GRB10: variants seen among roughly 807,000 people sequenced by gnomAD.
GRB10 encodes the protein growth factor receptor bound protein 10.
GRB10 carries 20 observed loss-of-function variants against 80.9 expected under a neutral mutation model. The ratio of observed to expected loss-of-function variants is 0.25; its 90% CI spans 0.17 to 0.36. GRB10 has a LOEUF of 0.36. GRB10 is among the 10% of genes least tolerant of loss of function. The pLI is 1.00. For synonymous variants in GRB10, 291 were observed against 291.5 expected, an observed-to-expected ratio of 1.00 and a Z score of 0.02; for missense variants, 548 against 747.7, an observed-to-expected ratio of 0.73 and a Z score of 3.12.
chr7:50,741,248 A>C (rs948956897), intron 3 of GRB10, among the ~76,000 whole-genome samples: 2 of 152,238 alleles, frequency 1.3e-5, no homozygotes, highest in African/African-American at 4.8e-5. Context: ...ATGAGAAGGC[A>C]TTAATTGATA....
At position 50,782,407 on chromosome 7, in the gene GRB10, G is replaced by A. The variant is rs569235454; in HGVS notation, c.-327+17C>T. ...CCGCCCACCGCCCAGCGCCCGCGGC[G>A]GAGCCCACCTGAGTACCTGGAGAGC... On this transcript the variant is annotated intron_variant, in intron 1 of 18. Transcript: ENST00000401949. The surrounding 1 kb of genome is among the most constrained non-coding windows in gnomAD (Gnocchi z 6.6). The A allele has an allele frequency of 6.8e-6, 1 of 148,052 alleles. No individual in the cohort carries two copies. The highest frequency in any genetic ancestry group is 1.5e-5 in the Non-Finnish European group (1 of 66,406). 9.2% of individuals were successfully genotyped at this position (148,052 alleles called of 1,614,324 possible).
At chr7:50,775,852 C>T (rs982605235) in intron 2 of GRB10, among the ~76,000 whole-genome samples, 2 of 152,218 alleles carry the variant, frequency 1.3e-5, no homozygotes, top group Non-Finnish European at 2.9e-5. Flanking sequence ...ACTAGCTGCA[C>T]TTGAGCCCCC....
At chr7:50,757,825 C>G (rs1210781069) in intron 2 of GRB10, among the ~76,000 whole-genome samples, 1 of 152,188 alleles carries the variant, frequency 6.6e-6, no homozygotes, top group Non-Finnish European at 1.5e-5. Flanking sequence ...TCTAGAGAGC[C>G]TAATCTTTTC....
intron 7 of GRB10, 151 bp from the exon 8 acceptor site, chr7:50,627,129 C>T: frequency 1.3e-6 from 1 of 782,950 alleles, no homozygotes. Context: ...TCCCCACCAG[C>T]TGCAGGGATG....
intron 10 of GRB10, chr7:50,617,782 GC>G: frequency 2.0e-6 from 1 of 500,410 alleles, no homozygotes; most frequent in Non-Finnish European, 3.6e-6. Context: ...GCACCCCCTG[GC>G]CCACACTCAG....
At chr7:50,684,233 C>T (rs1299806243) in intron 5 of GRB10, among the ~76,000 whole-genome samples, 1 of 137,562 alleles carries the variant, frequency 7.3e-6, no homozygotes, top group Non-Finnish European at 1.5e-5. Context: ...ATGCAGATAG[C>T]CTGGCGGCCA....
At chr7:50,610,531 G>A (rs886541220) in intron 13 of GRB10, among the ~76,000 whole-genome samples, 5 of 152,270 alleles carry the variant, frequency 3.3e-5, no homozygotes, top group South Asian at 4.1e-4. Context: ...CAGAACTCAC[G>A]GCAGCTTCCA....
At chr7:50,632,982 C>T (rs986391598) in intron 7 of GRB10, among the ~76,000 whole-genome samples, 7 of 152,092 alleles carry the variant, frequency 4.6e-5, no homozygotes, top group Admixed American at 1.3e-4. Flanking sequence ...GAGTGCAGGA[C>T]GGGATCCCTG....
At chr7:50,778,951 T>A (rs2077990906) in intron 2 of GRB10, among the ~76,000 whole-genome samples, 2 of 152,130 alleles carry the variant, frequency 1.3e-5, no homozygotes, top group Non-Finnish European at 2.9e-5. Context: ...GAGAAACCAC[T>A]AAATAAAATC....
chr7:50,672,283 G>A (rs1432283089), intron 6 of GRB10, among the ~76,000 whole-genome samples: 1 of 152,162 alleles, frequency 6.6e-6, no homozygotes, highest in African/African-American at 2.4e-5. Flanking sequence ...CACCTGATGT[G>A]GTGAGCCCAG....
chr7:50,642,674 T>A (rs1447533513), intron 7 of GRB10, among the ~76,000 whole-genome samples: 1 of 152,012 alleles, frequency 6.6e-6, no homozygotes, highest in Non-Finnish European at 1.5e-5. Context: ...TGCAAACATT[T>A]CAAAATCAGA....
chr7:50,656,919 T>C (rs927840335), intron 7 of GRB10, among the ~76,000 whole-genome samples: 1 of 152,216 alleles, frequency 6.6e-6, no homozygotes, highest in Non-Finnish European at 1.5e-5. Context: ...GGGTCTACCC[T>C]GGGGAAAGGA....
intron 17 of GRB10, among the ~76,000 whole-genome samples, chr7:50,600,052 G>A (rs968887094): frequency 6.6e-6 from 1 of 152,176 alleles, no homozygotes; most frequent in African/African-American, 2.4e-5. Context: ...TCCTGTGGAA[G>A]TGCCAATTCT....
At chr7:50,784,978 C>T (rs1330250604), upstream of GRB10, among the ~76,000 whole-genome samples, 1 of 152,224 alleles carries the variant, frequency 6.6e-6, no homozygotes. Context: ...TAGGTGACTT[C>T]TTTTCTGGAA....
intron 7 of GRB10, among the ~76,000 whole-genome samples, chr7:50,645,906 C>T (rs74391045): frequency 6.6e-6 from 1 of 152,164 alleles, no homozygotes; most frequent in African/African-American, 2.4e-5. Context: ...AGTGGCCAGC[C>T]CCCAAGTCAT....
chr7:50,607,496 A>G (rs77585118), intron 13 of GRB10, among the ~76,000 whole-genome samples: 10,139 of 152,274 alleles, frequency 0.067, 712 homozygotes, highest in African/African-American at 0.18. Flanking sequence ...AGTGACAAAC[A>G]TAATAACATC....
intron 17 of GRB10, among the ~76,000 whole-genome samples, chr7:50,602,835 T>G (rs142668053): frequency 6.6e-6 from 1 of 152,326 alleles, no homozygotes; most frequent in African/African-American, 2.4e-5. Context: ...CTTATTTTTT[T>G]AGAGACAGGC....
At chr7:50,733,766 T>C (rs1242567671) in intron 3 of GRB10, among the ~76,000 whole-genome samples, 1 of 152,218 alleles carries the variant, frequency 6.6e-6, no homozygotes, top group Non-Finnish European at 1.5e-5. Flanking sequence ...CAGGCTCTAA[T>C]TCCCAGTCAC....
chr7:50,601,021 C>T (rs1156415198), intron 17 of GRB10, among the ~76,000 whole-genome samples: 3 of 152,192 alleles, frequency 2.0e-5, no homozygotes, highest in African/African-American at 4.8e-5. Flanking sequence ...AATGATGTTC[C>T]ATGTACATAA....
Sources: allele counts gnomAD v4.1 joint callset (sites outside exome capture counted in the v4.1 genomes callset), GRCh38; gene constraint gnomAD v4.1.1; non-coding constraint Gnocchi (gnomAD v3.1); transcripts MANE v1.5; gene names NCBI Gene and HGNC (gene_info 2026-07-23, HGNC 2026-07-21).